Variants in COL3A1 observed in about 807,000 individuals in gnomAD.
COL3A1 encodes collagen alpha-1(III) chain.
A neutral mutation model predicts 200.9 loss-of-function variants in COL3A1; 46 were observed. The observed-to-expected ratio is 0.23, with a 90% confidence interval of 0.18 to 0.29. COL3A1 has a LOEUF of 0.29. COL3A1 is among the 10% of genes least tolerant of loss of function. COL3A1 has a pLI of 1.00. For synonymous variants in COL3A1, 650 were observed against 628.0 expected (o/e 1.03, Z -0.52); for missense variants, 1,367 against 1,917.6 (o/e 0.71, Z 5.36).
At chr2:188,993,265 A>G in intron 15 of COL3A1, 96 bp from the exon 16 acceptor site, 1 of 1,051,458 alleles carries the variant, frequency 9.5e-7, no homozygotes, top group Non-Finnish European at 1.4e-6. Context: ...CACTACTCCA[A>G]CTTTTGGGAG....
intron 1 of COL3A1, among the ~76,000 whole-genome samples, chr2:188,977,599 G>A (rs181776007): frequency 5.9e-5 from 9 of 152,126 alleles, no homozygotes; most frequent in African/African-American, 1.9e-4. Flanking sequence ...ATATCTCAGT[G>A]TCAGTCACCT....
Position 189,005,512 on chromosome 2 carries a change from C to T in COL3A1, c.3039+55C>T, listed in dbSNP as rs1285319903. The stretch of plus-strand genomic sequence containing the variant: ...GGTAGAATTTGATAATTTATTTCAG[C>T]AAAGGTGAAATTGAGCTTTAATGTC... On this transcript the variant is annotated intron_variant, in intron 41 of 50. Transcript: ENST00000304636. 6.1e-6 allele frequency: 9 copies of T among 1,465,700 alleles called. 1 individual carries two copies. The highest frequency in any genetic ancestry group is 6.7e-6 in the Non-Finnish European group (7 of 1,046,072). The allele number at this position is 1,465,700 out of a possible 1,614,324, so 90.8% of individuals were successfully genotyped here.
rs1688078028 is a variant in COL3A1, at chr2:188,987,049, C to T, written c.448-10C>T. On this transcript the variant is annotated splice_polypyrimidine_tract_variant and intron_variant, in intron 4 of 50. Coordinates refer to ENST00000304636, the MANE Select transcript of COL3A1 (RefSeq NM_000090.4). ...TAAAATGATCATATCTATTTGTCTCCTTGCCACAGAACTATTCTCCCCAGT... is the reference window on the plus strand; with the variant it reads ...TAAAATGATCATATCTATTTGTCTCTTTGCCACAGAACTATTCTCCCCAGT... 3 of 1,609,738 alleles carry T rather than the reference C, an allele frequency of 1.9e-6. No individual in the cohort carries two copies. The highest frequency in any genetic ancestry group is 2.6e-6 in the Non-Finnish European group (3 of 1,176,356).
intron 1 of COL3A1, among the ~76,000 whole-genome samples, chr2:188,977,631 T>A (rs1283815439): frequency 1.3e-5 from 2 of 152,046 alleles, no homozygotes; most frequent in Admixed American, 1.3e-4. Flanking sequence ...GTGCTTTATT[T>A]GAGATTACAA....
rs377013747 is a variant in COL3A1, at chr2:189,011,819, A to G, written c.*45A>G. On this transcript the variant is annotated 3_prime_UTR_variant, in exon 51 of 51. Transcript: ENST00000304636. ...CCCAACAAAAAAAATTTAACTCCAT[A>G]TGTGTTCCTCTTGTTCTAATCTTGT... The G allele has an allele frequency of 1.4e-5, 23 of 1,605,804 alleles. No individual in the cohort carries two copies. Among genetic ancestry groups the G allele is most frequent in the African/African-American group, 1.3e-4 (10 of 74,714 alleles).
chr2:188,991,360 A>G lies in COL3A1; in HGVS notation c.853-127A>G, dbSNP rs3736488. On this transcript the variant is annotated intron_variant, in intron 11 of 50. Coordinates refer to ENST00000304636, the MANE Select transcript of COL3A1 (RefSeq NM_000090.4). ...CTGGTAAATAAAATACTAACAGAAA[A>G]TTAATATTGTTAAAATGTATATCTT... The G allele has an allele frequency of 0.049, 33,379 of 682,398 alleles. 2,568 individuals are homozygous for G. Among genetic ancestry groups the G allele is most frequent in the African/African-American group, 0.28 (15,503 of 54,510 alleles). 42.3% of individuals were successfully genotyped at this position (682,398 alleles called of 1,614,324 possible).
At chr2:188,992,675 C>T (rs926810516) in intron 14 of COL3A1, among the ~76,000 whole-genome samples, 1 of 152,108 alleles carries the variant, frequency 6.6e-6, no homozygotes, top group African/African-American at 2.4e-5. Context: ...GAATTCATGG[C>T]AAAGTAGGGA....
chr2:189,006,507 A>G, intron 43 of COL3A1, 55 bp downstream of exon 43: 2 of 1,539,648 alleles, frequency 1.3e-6, no homozygotes, highest in South Asian at 1.1e-5. Context: ...CAATAAAGAC[A>G]TTTGTAGGTA....
In COL3A1 at chr2:188,999,553, A is replaced by C. The variant is rs1191871754; in HGVS notation, c.2205A>C (p.Gly735=). The C allele has an allele frequency of 6.2e-7, 1 of 1,613,676 alleles. No individual in the cohort carries two copies. Among genetic ancestry groups the C allele is most frequent in the Admixed American group, 1.7e-5 (1 of 59,992 alleles). The change falls in exon 31 of 51, where the codon GGA becomes GGC. Residue 735 remains glycine (G), a synonymous_variant. Transcript: ENST00000304636. ...QGMPGERGGL[G]SPGPKGDKGE... ...TGCCTGGAGAAAGAGGAGGTCTTGG[A>C]AGTCCTGGTCCAAAGGGTGACAAGG...
Position 188,996,454 on chromosome 2 carries a change from T to A in COL3A1, c.1719T>A (p.Gly573=), listed in dbSNP as rs1331223542. ...PGPPGPSGPR[G]QPGVMGFPGP... is the part of the protein sequence containing the mutation. ...CTCCTGGGCCATCTGGTCCCCGAGG[T>A]CAGCCTGGTGTCATGGGCTTCCCCG... Residue 573 remains glycine (G), a synonymous_variant, in exon 24 of 51, where the codon GGT becomes GGA. Transcript: ENST00000304636. The A allele has an allele frequency of 1.2e-6, 2 of 1,613,716 alleles. No individual in the cohort carries two copies. The highest frequency in any genetic ancestry group is 2.7e-5 in the African/African-American group (2 of 74,826).
At chr2:188,975,813 C>T (rs1180350765) in intron 1 of COL3A1, among the ~76,000 whole-genome samples, 2 of 151,920 alleles carry the variant, frequency 1.3e-5, no homozygotes, top group Admixed American at 1.3e-4. Context: ...TCCTCTCCTT[C>T]GCTTTGCCCT....
intron 8 of COL3A1, among the ~76,000 whole-genome samples, chr2:188,989,716 G>A (rs1025023340): frequency 6.6e-6 from 1 of 152,202 alleles, no homozygotes; most frequent in Admixed American, 6.6e-5. Context: ...TTATTTAACT[G>A]GAGGAGAAAT....
chr2:189,009,606 A>G (rs1688675385), intron 48 of COL3A1, among the ~76,000 whole-genome samples: 1 of 152,188 alleles, frequency 6.6e-6, no homozygotes, highest in South Asian at 2.1e-4. Flanking sequence ...TTCAAATTAA[A>G]CAAGTGAAAA....
chr2:189,003,294 G>C (rs985310823), intron 36 of COL3A1, 117 bp from the exon 37 acceptor site: 2 of 881,670 alleles, frequency 2.3e-6, no homozygotes, highest in African/African-American at 3.3e-5. Flanking sequence ...CTCAGCACCA[G>C]CAATCTAAAA....
chr2:188,996,158 G>A lies in COL3A1; in HGVS notation c.1642G>A (p.Asp548Asn), dbSNP rs1293397335. 5.6e-6 allele frequency: 9 copies of A among 1,613,576 alleles called. No individual in the cohort carries two copies. Among genetic ancestry groups the A allele is most frequent in the Admixed American group, 1.7e-5 (1 of 59,960 alleles). Residue 548 changes from aspartate (D) to asparagine (N), a missense_variant, in exon 23 of 51, where the codon GAT (aspartate) becomes AAT (asparagine). By Grantham distance (23) the Asp-to-Asn change is conservative. Transcript: ENST00000304636. The part of the protein sequence containing the change: ...MPGSPGGPGS[D>N]GKPGPPGSQG... ...CGGAAGTCCAGGAGGACCAGGAAGT[G>A]ATGGGAAACCAGGGCCTCCCGTATG...
chr2:189,006,102 T>A (rs2153503696), intron 41 of COL3A1, 104 bp from the exon 42 acceptor site: 1 of 1,255,274 alleles, frequency 8.0e-7, no homozygotes, highest in Admixed American at 1.9e-5. Flanking sequence ...CAAGAACCAA[T>A]TTTAACCCCC....
rs370069953 is a variant in COL3A1, at chr2:189,007,543, G to A, written c.3299G>A (p.Arg1100His). 3.3e-5 allele frequency: 53 copies of A among 1,613,674 alleles called. No homozygotes were observed. In the African/African-American group the frequency reaches 4.4e-4, roughly 13 times the overall value. The change falls in exon 45 of 51, where the codon CGT becomes CAT. Residue 1100 changes from arginine to histidine, a missense_variant. By Grantham distance (29) the Arg-to-His change is conservative. This residue lies in a region of COL3A1 where 846 missense variants were observed against 1,147.9 expected (regional missense o/e 0.74). Coordinates refer to ENST00000304636, the MANE Select transcript of COL3A1 (RefSeq NM_000090.4). ...PRGDKGETGE[R>H]GAAGIKGHRG... ...GGTGACAAAGGTGAAACAGGTGAAC[G>A]TGGAGCTGCTGGCATCAAAGGACAT...
chr2:188,979,965 T>C (rs1485992689), intron 1 of COL3A1, among the ~76,000 whole-genome samples: 1 of 151,586 alleles, frequency 6.6e-6, no homozygotes, highest in Admixed American at 6.6e-5. Context: ...CATAAGGCCT[T>C]TGGGAGTATG....
chr2:189,012,384 G>A lies in COL3A1; in HGVS notation c.*610G>A, dbSNP rs1688747308. On this transcript the variant is annotated 3_prime_UTR_variant, in exon 51 of 51. Transcript: ENST00000304636. ...TATTGGATATCAACTGCTTGTAAAG[G>A]TGCTCCTCTTTTTTCTTGTCATTGC... 1.3e-5 allele frequency: 2 copies of A among 152,506 alleles called. No individual in the cohort carries two copies. The highest frequency in any genetic ancestry group is 6.5e-5 in the Admixed American group (1 of 15,274). The allele number at this position is 152,506 out of a possible 1,614,324, so 9.4% of individuals were successfully genotyped here. A position where few individuals can be genotyped will look rare whatever the true frequency, so the allele number is the denominator to read the frequency against.
Sources: allele counts gnomAD v4.1 joint callset (sites outside exome capture counted in the v4.1 genomes callset), GRCh38; gene constraint gnomAD v4.1.1; regional missense constraint gnomAD v4.1.1; transcripts MANE v1.5; gene names NCBI Gene and HGNC (gene_info 2026-07-23, HGNC 2026-07-21).